The following TENM3 variants were observed in gnomAD, a reference collection of about 807,000 sequenced individuals.
The protein encoded by TENM3 is teneurin-3.
Under a neutral mutation model 255.1 loss-of-function variants are expected in TENM3, and 63 were observed. The ratio of observed to expected loss-of-function variants is 0.25; its 90% confidence interval spans 0.20 to 0.30. The LOEUF (loss-of-function observed/expected upper bound fraction) is 0.30. Ranked by LOEUF, TENM3 falls within the 10% of genes least tolerant of loss-of-function variation. The probability of loss-of-function intolerance (pLI) is 1.00; values close to 1 mark genes in which losing one functional copy is unlikely to be tolerated. For synonymous variants in TENM3, 1,306 were observed against 1,322.3 expected, an observed-to-expected ratio of 0.99 and a Z score of 0.27; for missense variants, 2,929 against 3,461.1, an observed-to-expected ratio of 0.85 and a Z score of 3.86.
chr4:182,704,038 ATTAATG>A (rs961180820), intron 12 of TENM3, among the ~76,000 whole-genome samples: 2 of 152,184 alleles, frequency 1.3e-5, no homozygotes, highest in Non-Finnish European at 2.9e-5. Flanking sequence ...GTTTTTTTTA[ATTAATG>A]TTAAGAGCTG....
chr4:182,605,038 G>T (rs1035415443), intron 4 of TENM3, among the ~76,000 whole-genome samples: 12 of 152,148 alleles, frequency 7.9e-5, no homozygotes, highest in Non-Finnish European at 1.5e-4. Context: ...TAAAATGGTT[G>T]TAGGGAAGGT....
Position 182,681,914 on chromosome 4 carries a change from G to A in TENM3, c.1935G>A (p.Lys645=). ...GAGGTAGCAATTGTGAAATACTGAA[G>A]ACCATGTGTCCAGACCAGTGCTCCG... ...GWGGSNCEIL[K]TMCPDQCSGH... Residue 645 remains lysine (K), a synonymous_variant, in exon 11 of 28, where the codon AAG becomes AAA. Coordinates refer to ENST00000511685, the MANE Select transcript of TENM3 (RefSeq NM_001080477.4). 6.2e-7 allele frequency: 1 copy of A among 1,613,942 alleles called. No homozygotes were observed. The highest frequency in any genetic ancestry group is 8.5e-7 in the Non-Finnish European group (1 of 1,179,868).
At chr4:181,537,649 T>C in the TENM3 span, among the ~76,000 whole-genome samples, 1 of 152,210 alleles carries the variant, frequency 6.6e-6, no homozygotes, top group African/African-American at 2.4e-5. Context: ...CTCCAGGTGA[T>C]AAAGATGGCA....
chr4:182,549,827 G>C (rs758645360), intron 3 of TENM3, among the ~76,000 whole-genome samples: 2 of 152,160 alleles, frequency 1.3e-5, no homozygotes, highest in Non-Finnish European at 2.9e-5. Flanking sequence ...TAAGGGTTGT[G>C]GAAGAAGTTT....
the TENM3 span, among the ~76,000 whole-genome samples, chr4:181,476,966 G>T: frequency 6.6e-6 from 1 of 152,122 alleles, no homozygotes; most frequent in Non-Finnish European, 1.5e-5. Context: ...GAGCTGAAAA[G>T]CTACAGAGGT....
At chr4:181,924,473 G>A in the TENM3 span, among the ~76,000 whole-genome samples, 1 of 152,166 alleles carries the variant, frequency 6.6e-6, no homozygotes, top group African/African-American at 2.4e-5. Context: ...CCATGCACAT[G>A]ACTTCCCCTG....
intron 12 of TENM3, chr4:182,707,989 C>CTTTTTTTTTTT (rs111684379): frequency 6.8e-6 from 1 of 146,060 alleles, no homozygotes. Flanking sequence ...GAAAAAACAC[C>CTTTTTTTTTTT]TTTTTTTTTT....
In TENM3 at chr4:182,688,214, C is replaced by A. The variant is rs189502887; in HGVS notation, c.2084C>A (p.Thr695Lys). Reference sequence around the variant, plus strand: ...TCACACGGCGTTTGCATGGGGGGGACGTGTCGCTGTGAAGAAGGCTGGACG... The same window carrying A: ...TCACACGGCGTTTGCATGGGGGGGAAGTGTCGCTGTGAAGAAGGCTGGACG... The part of the protein sequence containing the change: ...CGSHGVCMGG[T>K]CRCEEGWTGP... Residue 695 changes from threonine to lysine, a missense_variant, in exon 12 of 28, where the codon ACG becomes AAG. Physicochemically the swap from Thr to Lys is moderately conservative, Grantham distance 78. Around this residue, in one of 6 missense-constraint regions of TENM3, gnomAD observed 1,608 missense variants for 1,884.4 expected, o/e 0.85. Coordinates refer to ENST00000511685, the MANE Select transcript of TENM3 (RefSeq NM_001080477.4). 1.2e-6 allele frequency: 2 copies of A among 1,613,754 alleles called. No homozygotes were observed. The highest frequency in any genetic ancestry group is 4.5e-5 in the East Asian group (2 of 44,866).
chr4:182,015,827 G>A, the TENM3 span, among the ~76,000 whole-genome samples: 22 of 152,244 alleles, frequency 1.4e-4, no homozygotes, highest in East Asian at 2.9e-3. Flanking sequence ...GATTACAGGC[G>A]TGAGCCACTG....
At chr4:182,263,560 A>G (rs1027940074) in intron 1 of TENM3, among the ~76,000 whole-genome samples, 1 of 150,824 alleles carries the variant, frequency 6.6e-6, no homozygotes, top group African/African-American at 2.5e-5. Context: ...TAACGGGATT[A>G]GGCATGTACA....
At chr4:182,025,533 C>A in the TENM3 span, among the ~76,000 whole-genome samples, 1 of 152,088 alleles carries the variant, frequency 6.6e-6, no homozygotes, top group East Asian at 1.9e-4. Context: ...TGGGTATACA[C>A]CCAGCAGTGG....
chr4:182,335,882 C>G (rs1764106149), intron 2 of TENM3, among the ~76,000 whole-genome samples: 1 of 152,030 alleles, frequency 6.6e-6, no homozygotes, highest in African/African-American at 2.4e-5. Context: ...ATAGACAATT[C>G]ACAAAAGAGA....
chr4:182,305,717 T>TA (rs1369344180), intron 1 of TENM3, among the ~76,000 whole-genome samples: 1 of 152,196 alleles, frequency 6.6e-6, no homozygotes, highest in Non-Finnish European at 1.5e-5. Flanking sequence ...GATGGAAGGG[T>TA]AACCCCCTGC....
At chr4:181,906,289 G>A in the TENM3 span, 5 of 165,420 alleles carry the variant, frequency 3.0e-5, no homozygotes, top group South Asian at 6.6e-4. Flanking sequence ...TGGACAGTCA[G>A]ATGGAAATTT....
the TENM3 span, among the ~76,000 whole-genome samples, chr4:181,475,552 C>A: frequency 6.6e-6 from 1 of 152,140 alleles, no homozygotes; most frequent in Non-Finnish European, 1.5e-5. Context: ...ATCATAGATG[C>A]CATTATCTGC....
chr4:182,615,274 C>T lies in TENM3; in HGVS notation c.750-13377C>T, dbSNP rs115983708. Among the ~76,000 whole-genome samples the T allele has an allele frequency of 1.0e-3, 150 of 148,964 alleles. 1 individual carries two copies. The highest frequency in any genetic ancestry group is 3.5e-3 in the Middle Eastern group (1 of 288). On this transcript the variant is annotated intron_variant, in intron 4 of 27. Transcript: ENST00000511685. Reference sequence around the variant, plus strand: ...ATACAGGTAATAAGTTGAAACAAGGCTTTTAGAGGAAAAAAGAATATATAA... The same window carrying T: ...ATACAGGTAATAAGTTGAAACAAGGTTTTTAGAGGAAAAAAGAATATATAA...
chr4:182,385,567 T>G (rs1315342679), intron 3 of TENM3, among the ~76,000 whole-genome samples: 1 of 152,174 alleles, frequency 6.6e-6, no homozygotes, highest in East Asian at 1.9e-4. Context: ...GCCCAGCCAG[T>G]GCATCTTCTA....
chr4:181,604,169 G>A, the TENM3 span, among the ~76,000 whole-genome samples: 2 of 152,112 alleles, frequency 1.3e-5, no homozygotes, highest in South Asian at 2.1e-4. Context: ...GGAGGCTGAG[G>A]CAGGAGAATG....
the TENM3 span, among the ~76,000 whole-genome samples, chr4:182,062,905 A>G: frequency 1.3e-5 from 2 of 152,226 alleles, no homozygotes; most frequent in Non-Finnish European, 2.9e-5. Flanking sequence ...AGCTAAATCT[A>G]TAGTAACTGG....
Sources: gnomAD v4.1 joint callset for allele counts (sites outside exome capture counted in the v4.1 genomes callset) on GRCh38, gnomAD v4.1.1 for gene constraint, gnomAD v4.1.1 regional missense constraint, MANE v1.5 for transcripts, NCBI Gene and HGNC (gene_info 2026-07-23, HGNC 2026-07-21) for gene names.